FHIT: variants seen among roughly 807,000 people sequenced by gnomAD.
FHIT encodes the protein bis(5'-adenosyl)-triphosphatase.
FHIT carries 19 observed loss-of-function variants against 17.9 expected under a neutral mutation model. The observed-to-expected ratio is 1.06, with a 90% confidence interval of 0.74 to 1.56. The LOEUF (loss-of-function observed/expected upper bound fraction) is 1.56, where lower values mean the gene tolerates loss of function less well. FHIT is among the 40% of genes most tolerant of loss of function. The pLI is 0.00. For missense variants in FHIT, 248 were observed against 189.2 expected (o/e 1.31, Z -1.82); for synonymous variants, 81 against 69.7 (o/e 1.16, Z -0.81).
At chr3:60,378,961 G>A (rs937031602) in intron 5 of FHIT, among the ~76,000 whole-genome samples, 4 of 152,188 alleles carry the variant, frequency 2.6e-5, no homozygotes, top group African/African-American at 9.6e-5. Context: ...AATCAAGTAG[G>A]TGGTACACAT....
At chr3:60,141,068 A>G (rs1700020268) in intron 5 of FHIT, among the ~76,000 whole-genome samples, 1 of 152,226 alleles carries the variant, frequency 6.6e-6, no homozygotes, top group Non-Finnish European at 1.5e-5. Context: ...CAATGACTAA[A>G]TAGCAGAAGA....
chr3:60,176,353 AAACAAC>A, intron 5 of FHIT, among the ~76,000 whole-genome samples: 1 of 152,222 alleles, frequency 6.6e-6, no homozygotes, highest in African/African-American at 2.4e-5. Flanking sequence ...CTCCATCTCA[AAACAAC>A]AACAACAACA....
intron 4 of FHIT, among the ~76,000 whole-genome samples, chr3:60,776,028 A>T (rs948750161): frequency 3.3e-5 from 5 of 151,698 alleles, no homozygotes; most frequent in Admixed American, 6.6e-5. Context: ...GTTAACTTAA[A>T]TTTTTTTTTC....
Position 60,092,495 on chromosome 3 carries a change from G to C in FHIT, c.104-78343C>G, listed in dbSNP as rs112234551. Among the ~76,000 whole-genome samples the C allele has an allele frequency of 1.8e-4, 28 of 152,302 alleles. 1 individual carries two copies. Among genetic ancestry groups the C allele is most frequent in the African/African-American group, 3.6e-4 (15 of 41,562 alleles). ...ATGCTTTTACAATGTCTACATTAAG[G>C]TCTGGCTTTTAACTAAAAAGTATGT... On this transcript the variant is annotated intron_variant, in intron 5 of 9. Transcript: ENST00000492590.
At position 59,867,750 on chromosome 3, in the gene FHIT, C is replaced by T. The variant is rs563200084; in HGVS notation, c.348+54596G>A. Among the ~76,000 whole-genome samples the T allele has an allele frequency of 3.3e-5, 5 of 152,048 alleles. No homozygotes were observed. In the South Asian group the frequency reaches 1.0e-3, roughly 32 times the overall value. On this transcript the variant is annotated intron_variant, in intron 8 of 9. Transcript: ENST00000492590. ...ACCAAATATCACATATTATGTACTC[C>T]CTAGACTTTTGAGAGTTTCACTCTA...
chr3:59,953,902 A>G (rs1707255959), intron 7 of FHIT, among the ~76,000 whole-genome samples: 1 of 152,138 alleles, frequency 6.6e-6, no homozygotes, highest in Non-Finnish European at 1.5e-5. Context: ...CTGTGGTGTG[A>G]GTCAGTTTGA....
chr3:60,338,009 A>C (rs892267629), intron 5 of FHIT, among the ~76,000 whole-genome samples: 2 of 152,086 alleles, frequency 1.3e-5, no homozygotes, highest in African/African-American at 4.8e-5. Flanking sequence ...TTGTAAGGTA[A>C]TTTTTCAAAT....
At chr3:60,777,795 A>C (rs13084713) in intron 4 of FHIT, among the ~76,000 whole-genome samples, 58,463 of 152,074 alleles carry the variant, frequency 0.38, 11,861 homozygotes, top group African/African-American at 0.45. Flanking sequence ...ATCTGATGAA[A>C]ATTTATGGTT....
At chr3:61,196,913 T>C (rs192362827) in intron 2 of FHIT, among the ~76,000 whole-genome samples, 3 of 152,262 alleles carry the variant, frequency 2.0e-5, no homozygotes, top group African/African-American at 4.8e-5. Context: ...TTCCTTCCCC[T>C]GGCTAATACA....
intron 5 of FHIT, among the ~76,000 whole-genome samples, chr3:60,167,467 T>A (rs1454680836): frequency 1.3e-5 from 2 of 152,174 alleles, no homozygotes; most frequent in African/African-American, 4.8e-5. Context: ...TAATTACCAA[T>A]AGAGGAAACT....
chr3:61,240,617 G>A (rs537569090), intron 1 of FHIT, among the ~76,000 whole-genome samples: 5 of 152,304 alleles, frequency 3.3e-5, no homozygotes, highest in Middle Eastern at 3.4e-3. Flanking sequence ...CCATACAATT[G>A]AGTCTCTCTA....
chr3:61,169,593 T>C (rs1252057704), intron 2 of FHIT, among the ~76,000 whole-genome samples: 1 of 152,214 alleles, frequency 6.6e-6, no homozygotes, highest in Non-Finnish European at 1.5e-5. Context: ...ATTAAGTTAG[T>C]TTAAATCATA....
rs114568307 is a variant in FHIT, at chr3:59,987,400, T to C, written c.279+23971A>G. On this transcript the variant is annotated intron_variant, in intron 7 of 9. Coordinates refer to ENST00000492590, the MANE Select transcript of FHIT (RefSeq NM_002012.4). The stretch of plus-strand genomic sequence containing the variant: ...TCTCATGGGACAAAAGCAAATGTGT[T>C]TCTCTAAAGAGTTTTCTTGAATGGT... Among the ~76,000 whole-genome samples the C allele has an allele frequency of 2.9e-3, 447 of 151,922 alleles. 3 individuals carry two copies. The highest frequency in any genetic ancestry group is 0.01 in the African/African-American group (430 of 41,510).
chr3:60,776,593 A>G (rs1363279503), intron 4 of FHIT, among the ~76,000 whole-genome samples: 2 of 152,228 alleles, frequency 1.3e-5, no homozygotes, highest in Non-Finnish European at 2.9e-5. Context: ...CAGCTTCACA[A>G]CTGGTAAGGC....
intron 5 of FHIT, among the ~76,000 whole-genome samples, chr3:60,034,016 A>G (rs1016992020): frequency 6.6e-6 from 1 of 152,230 alleles, no homozygotes; most frequent in African/African-American, 2.4e-5. Context: ...CATATTCAAG[A>G]TAACAATAAC....
intron 5 of FHIT, among the ~76,000 whole-genome samples, chr3:60,121,683 C>CAAAAAACA: frequency 7.8e-6 from 1 of 128,904 alleles, no homozygotes. Flanking sequence ...GACTCTGTCT[C>CAAAAAACA]AAAAAACAAA....
intron 3 of FHIT, among the ~76,000 whole-genome samples, chr3:60,985,451 AATC>A (rs373657275): frequency 7.9e-5 from 12 of 152,278 alleles, no homozygotes; most frequent in African/African-American, 2.9e-4. Context: ...TTCTGTGGTC[AATC>A]ATAATGCCCC....
chr3:59,985,376 A>T lies in FHIT; in HGVS notation c.279+25995T>A, dbSNP rs978861582. 9.9e-5 allele frequency among the ~76,000 whole-genome samples: 15 copies of T among 152,250 alleles called. 1 individual carries two copies. In the South Asian group the frequency reaches 2.9e-3, roughly 30 times the overall value. On this transcript the variant is annotated intron_variant, in intron 7 of 9. Coordinates refer to ENST00000492590, the MANE Select transcript of FHIT (RefSeq NM_002012.4). ...CATAGGGGGTTATTTGTAAAACCTT[A>T]GAGTATTATCAGGTGTTGCTTTCAA...
In FHIT at chr3:60,354,402, T is replaced by C. The variant is rs1048413487; in HGVS notation, c.103+182458A>G. Among the ~76,000 whole-genome samples the C allele has an allele frequency of 2.0e-5, 3 of 152,228 alleles. 1 individual carries two copies. The highest frequency in any genetic ancestry group is 4.8e-5 in the African/African-American group (2 of 41,550). On this transcript the variant is annotated intron_variant, in intron 5 of 9. Coordinates refer to ENST00000492590, the MANE Select transcript of FHIT (RefSeq NM_002012.4). The stretch of plus-strand genomic sequence containing the variant: ...TAGGATTTGAAGGCATACATTCCTA[T>C]ACCCTGCTAAAAACAGACTCAGTTT...
Sources: allele counts gnomAD v4.1 joint callset (sites outside exome capture counted in the v4.1 genomes callset), GRCh38; gene constraint gnomAD v4.1.1; transcripts MANE v1.5; gene names NCBI Gene and HGNC (gene_info 2026-07-23, HGNC 2026-07-21).